TCAF1: variants seen among roughly 807,000 people sequenced by gnomAD.
TCAF1 encodes the protein TRPM8 channel-associated factor 1.
In TCAF1, 4 loss-of-function variants were observed where a neutral mutation model predicts 27.3. That is an observed-to-expected ratio of 0.15 (90% CI 0.07 to 0.34). The LOEUF is 0.34. Among genes scored for constraint, TCAF1 ranks in the 10% least tolerant of loss-of-function variants. The pLI is 1.00. For missense variants in TCAF1, 257 were observed against 425.8 expected (o/e 0.60, Z 3.49); for synonymous variants, 105 against 167.1 (o/e 0.63, Z 2.87).
intron 1 of TCAF1, among the ~76,000 whole-genome samples, chr7:143,895,201 A>C (rs1249477125): frequency 6.6e-6 from 1 of 151,876 alleles, no homozygotes; most frequent in African/African-American, 2.4e-5. Flanking sequence ...GTTCATGAGA[A>C]GTAAGTTTTT....
intron 1 of TCAF1, among the ~76,000 whole-genome samples, chr7:143,901,604 C>T (rs1224551010): frequency 6.6e-6 from 1 of 152,194 alleles, no homozygotes; most frequent in Non-Finnish European, 1.5e-5. Flanking sequence ...TCCACCTGGG[C>T]TTAACGGAGA....
chr7:143,881,093 C>T (rs562186070), intron 1 of TCAF1, among the ~76,000 whole-genome samples: 64 of 152,240 alleles, frequency 4.2e-4, no homozygotes, highest in African/African-American at 1.5e-3. Context: ...CGCCATGGCT[C>T]GTAAACCTGG....
chr7:143,897,545 A>G (rs955765901), intron 1 of TCAF1, among the ~76,000 whole-genome samples: 4 of 152,054 alleles, frequency 2.6e-5, no homozygotes, highest in Admixed American at 1.3e-4. Context: ...CAAATTTTCA[A>G]TTCTGAGGGG....
intron 1 of TCAF1, chr7:143,882,799 T>A (rs1017215110): frequency 6.1e-6 from 6 of 985,612 alleles, no homozygotes; most frequent in Non-Finnish European, 7.2e-6. Context: ...CAGAGAGGAA[T>A]GCACAGGGAA....
At position 143,885,008 on chromosome 7, in the gene TCAF1, A is replaced by C; in HGVS notation, c.-14-8386T>G. ...AGACATCTACCTCCCTGGACCCAAA[A>C]CCCAAGGGGGTCCCAGGCCAAAAAC... On this transcript the variant is annotated intron_variant, in intron 1 of 8. Coordinates refer to ENST00000479870, the MANE Select transcript of TCAF1 (RefSeq NM_014719.3). The C allele has an allele frequency of 6.1e-6, 6 of 985,166 alleles. No individual in the cohort carries two copies. The South Asian group carries it at 2.4e-4, about 39-fold the overall frequency. The allele number at this position is 985,166 out of a possible 1,614,324, so 61.0% of individuals were successfully genotyped here.
At chr7:143,875,541 A>G (rs567991914) in intron 2 of TCAF1, among the ~76,000 whole-genome samples, 1 of 152,272 alleles carries the variant, frequency 6.6e-6, no homozygotes, top group South Asian at 2.1e-4. Flanking sequence ...GAAGGCTTCT[A>G]CTTCCTATTG....
intron 1 of TCAF1, among the ~76,000 whole-genome samples, chr7:143,890,265 G>A (rs1205779542): frequency 1.3e-5 from 2 of 150,856 alleles, no homozygotes; most frequent in African/African-American, 4.9e-5. Flanking sequence ...GCCTCCCAAA[G>A]TGCTGGGAGA....
chr7:143,884,753 G>A (rs1813304379), intron 1 of TCAF1, among the ~76,000 whole-genome samples: 1 of 151,536 alleles, frequency 6.6e-6, no homozygotes, highest in Admixed American at 6.6e-5. Context: ...AAAGAAAGGG[G>A]GGTGGAGGAA....
intron 1 of TCAF1, among the ~76,000 whole-genome samples, chr7:143,900,205 A>G (rs1814053721): frequency 6.6e-6 from 1 of 152,184 alleles, no homozygotes; most frequent in Non-Finnish European, 1.5e-5. Flanking sequence ...TGGCCCCGAT[A>G]ATCCCTGCCT....
chr7:143,859,950 ATATTACGGAATATATAT>A (rs1389548947), intron 6 of TCAF1, among the ~76,000 whole-genome samples: 1 of 59,740 alleles, frequency 1.7e-5, no homozygotes, highest in African/African-American at 5.7e-5. Flanking sequence ...TATATAATAT[ATATTACGGAATATATAT>A]TATATAATAT....
intron 1 of TCAF1, among the ~76,000 whole-genome samples, chr7:143,897,882 A>G (rs1813959571): frequency 6.6e-6 from 1 of 152,112 alleles, no homozygotes; most frequent in Admixed American, 6.6e-5. Flanking sequence ...TTATGATAAT[A>G]CCAGCATCAG....
chr7:143,877,656 T>C (rs1026750424), intron 1 of TCAF1, among the ~76,000 whole-genome samples: 3 of 152,250 alleles, frequency 2.0e-5, no homozygotes, highest in African/African-American at 7.2e-5. Flanking sequence ...ACCTCTGCTA[T>C]GAGCACTGTA....
chr7:143,892,301 G>A (rs1046403790), intron 1 of TCAF1, among the ~76,000 whole-genome samples: 1 of 151,936 alleles, frequency 6.6e-6, no homozygotes, highest in Non-Finnish European at 1.5e-5. Context: ...TTAAAATTTT[G>A]CATTGAGAAT....
rs753871009 is a variant in TCAF1, at chr7:143,876,283, C to T, written c.326G>A (p.Gly109Glu). Residue 109 changes from glycine (G) to glutamate (E), a missense_variant, in exon 2 of 9, where the codon GGA (glycine) becomes GAA (glutamate). Physicochemically the swap from Gly to Glu is moderately conservative, Grantham distance 98. Transcript: ENST00000479870. ...APLAKILEGS[G>E]VDAKVEPEVK... ...TTCTGGCTCAACCTTTGCATCCACT[C>T]CAGAGCCCTCGAGGATTTTGGCCAA... 1.9e-6 allele frequency: 3 copies of T among 1,614,192 alleles called. No individual in the cohort carries two copies. The highest frequency in any genetic ancestry group is 1.7e-6 in the Non-Finnish European group (2 of 1,180,038).
At chr7:143,887,387 G>T (rs189527626) in intron 1 of TCAF1, among the ~76,000 whole-genome samples, 49 of 152,160 alleles carry the variant, frequency 3.2e-4, no homozygotes, top group Admixed American at 7.2e-4. Flanking sequence ...CTATAATTGC[G>T]TGTTTATGTT....
chr7:143,851,929 A>C lies in TCAF1; in HGVS notation c.*2204T>G, dbSNP rs1288364303. 1 of 152,190 alleles carries C rather than the reference A, an allele frequency of 6.6e-6. No homozygotes were observed. The highest frequency in any genetic ancestry group is 1.5e-5 in the Non-Finnish European group (1 of 68,058). The allele number at this position is 152,190 out of a possible 1,614,324, so 9.4% of individuals were successfully genotyped here. ...CTTTCAACTTCAGTTCTGAATAAAAAATGAAACCTTTCACACTTTGTTAAT... is the reference window on the plus strand; with the variant it reads ...CTTTCAACTTCAGTTCTGAATAAAACATGAAACCTTTCACACTTTGTTAAT... On this transcript the variant is annotated 3_prime_UTR_variant, in exon 9 of 9. Coordinates refer to ENST00000479870, the MANE Select transcript of TCAF1 (RefSeq NM_014719.3).
chr7:143,875,898 C>G lies in TCAF1; in HGVS notation c.620+91G>C, dbSNP rs1267977648. The stretch of plus-strand genomic sequence containing the variant: ...TTCCATATCTGAGTGCCTGGGAGCA[C>G]TCTTCTGTTAGCCTTGGAGCAACCT... On this transcript the variant is annotated intron_variant, in intron 2 of 8. Coordinates refer to ENST00000479870, the MANE Select transcript of TCAF1 (RefSeq NM_014719.3). The G allele has an allele frequency of 2.5e-6, 3 of 1,207,900 alleles. No homozygotes were observed. The African/African-American group carries it at 4.5e-5, about 18-fold the overall frequency. The allele number at this position is 1,207,900 out of a possible 1,614,324, so 74.8% of individuals were successfully genotyped here.
rs146299436 is a variant in TCAF1 at position 143,885,216 on chromosome 7, G to A, written c.-14-8594C>T. ...AGCTTTGGACGAGACTCACCCTTTCGTCCAGCAATTTCCACACCAGGCTAC... is the reference window on the plus strand; with the variant it reads ...AGCTTTGGACGAGACTCACCCTTTCATCCAGCAATTTCCACACCAGGCTAC... On this transcript the variant is annotated intron_variant, in intron 1 of 8. Transcript: ENST00000479870. 206 of 985,534 alleles carry A rather than the reference G, an allele frequency of 2.1e-4. No homozygotes were observed. In the African/African-American group the frequency reaches 3.4e-3, roughly 16 times the overall value. The allele number at this position is 985,534 out of a possible 1,614,324, so 61.0% of individuals were successfully genotyped here.
At chr7:143,886,959 C>T (rs187323657) in intron 1 of TCAF1, among the ~76,000 whole-genome samples, 21 of 151,134 alleles carry the variant, frequency 1.4e-4, no homozygotes, top group African/African-American at 2.4e-4. Flanking sequence ...CTCCTGCTTC[C>T]GCTCCCAAAG....
Sources: gnomAD v4.1 joint callset for allele counts (sites outside exome capture counted in the v4.1 genomes callset) on GRCh38, gnomAD v4.1.1 for gene constraint, MANE v1.5 for transcripts, NCBI Gene and HGNC (gene_info 2026-07-23, HGNC 2026-07-21) for gene names.